TMEM132D: variants seen among roughly 807,000 people sequenced by gnomAD.
TMEM132D encodes mature OL transmembrane protein.
Under a neutral mutation model 62.3 loss-of-function variants are expected in TMEM132D, and 21 were observed. The observed-to-expected ratio is 0.34, with a 90% CI of 0.24 to 0.49. The LOEUF (loss-of-function observed/expected upper bound fraction) is 0.49. Among genes scored for constraint, TMEM132D ranks in the 20% least tolerant of loss-of-function variants. The pLI, the probability that TMEM132D is intolerant of heterozygous loss-of-function variation, is 0.99. For missense variants in TMEM132D, 1,346 were observed against 1,402.8 expected (o/e 0.96, Z 0.65); for synonymous variants, 621 against 575.6 (o/e 1.08, Z -1.13).
At chr12:129,457,184 C>A (rs1873498511) in intron 3 of TMEM132D, among the ~76,000 whole-genome samples, 1 of 151,938 alleles carries the variant, frequency 6.6e-6, no homozygotes, top group Non-Finnish European at 1.5e-5. Context: ...AGACTTGGAA[C>A]CAACCCAAAT....
chr12:129,134,823 T>C (rs1876508135), intron 5 of TMEM132D, among the ~76,000 whole-genome samples: 1 of 152,140 alleles, frequency 6.6e-6, no homozygotes, highest in Non-Finnish European at 1.5e-5. Flanking sequence ...TCTCCTAAAA[T>C]AGATCTCATC....
At position 129,783,361 on chromosome 12, in the gene TMEM132D, CAAT is replaced by C. The variant is rs570382144; in HGVS notation, c.80-82666_80-82664del. On this transcript the variant is annotated intron_variant, in intron 1 of 8. Transcript: ENST00000422113. ...TCTCATGTTCAGAGACACGAATGGT[CAAT>C]AATATGGTTATAAATATCATCTTAA... Among the ~76,000 whole-genome samples, 375 of 152,262 alleles carry C rather than the reference CAAT, an allele frequency of 2.5e-3. 1 individual carries two copies. The highest frequency in any genetic ancestry group is 8.8e-3 in the African/African-American group (364 of 41,556).
At chr12:129,550,754 C>T (rs1006177725) in intron 2 of TMEM132D, among the ~76,000 whole-genome samples, 1 of 152,150 alleles carries the variant, frequency 6.6e-6, no homozygotes, top group African/African-American at 2.4e-5. Flanking sequence ...CTCAGCTTTC[C>T]TCTCACTACT....
intron 4 of TMEM132D, among the ~76,000 whole-genome samples, chr12:129,268,065 T>A (rs1023876938): frequency 3.9e-5 from 6 of 152,154 alleles, no homozygotes; most frequent in Non-Finnish European, 4.4e-5. Flanking sequence ...ATGTTAGACC[T>A]AAAACCATAA....
chr12:129,767,212 G>A (rs1005561957), intron 1 of TMEM132D, among the ~76,000 whole-genome samples: 1 of 152,200 alleles, frequency 6.6e-6, no homozygotes, highest in Non-Finnish European at 1.5e-5. Flanking sequence ...AAAGCTTTCT[G>A]CTTTGGCTGT....
rs116313043 is a variant in TMEM132D, at chr12:129,731,522, G to A, written c.80-30824C>T. Among the ~76,000 whole-genome samples the A allele has an allele frequency of 7.0e-3, 1,064 of 152,238 alleles. 11 individuals carry two copies. Among genetic ancestry groups the A allele is most frequent in the African/African-American group, 0.025 (1,029 of 41,550 alleles). On this transcript the variant is annotated intron_variant, in intron 1 of 8. Coordinates refer to ENST00000422113, the MANE Select transcript of TMEM132D (RefSeq NM_133448.3). ...AGTAACCAAGGGCATATCCAGGGAG[G>A]ACACTGAAGACCTGCCAGGTGTGTA...
At chr12:129,717,156 C>T (rs1052961232) in intron 1 of TMEM132D, among the ~76,000 whole-genome samples, 5 of 152,302 alleles carry the variant, frequency 3.3e-5, no homozygotes, top group East Asian at 3.9e-4. Context: ...CCTGAACAAC[C>T]GTACACGACA....
intron 2 of TMEM132D, among the ~76,000 whole-genome samples, chr12:129,649,800 ATGTGTG>A (rs912353408): frequency 1.3e-5 from 2 of 150,404 alleles, no homozygotes; most frequent in South Asian, 2.1e-4. Context: ...GTGTGTGCGT[ATGTGTG>A]TGTGTATGTG....
chr12:129,209,925 T>A (rs1395945239), intron 4 of TMEM132D: 2 of 472,490 alleles, frequency 4.2e-6, no homozygotes, highest in African/African-American at 3.9e-5. Context: ...TTATTACTAA[T>A]ATTGTGTTTG....
At chr12:129,712,466 G>A (rs1199437919) in intron 1 of TMEM132D, among the ~76,000 whole-genome samples, 1 of 152,142 alleles carries the variant, frequency 6.6e-6, no homozygotes, top group Non-Finnish European at 1.5e-5. Flanking sequence ...TTTAATTAGG[G>A]GAAGAGCTAC....
intron 3 of TMEM132D, among the ~76,000 whole-genome samples, chr12:129,457,288 T>C (rs571408291): frequency 6.6e-6 from 1 of 151,524 alleles, no homozygotes; most frequent in Non-Finnish European, 1.5e-5. Context: ...ATGTCCTTTG[T>C]AGGGACATGG....
At chr12:129,411,970 T>C (rs1213135977) in intron 3 of TMEM132D, among the ~76,000 whole-genome samples, 1 of 152,234 alleles carries the variant, frequency 6.6e-6, no homozygotes, top group African/African-American at 2.4e-5. Flanking sequence ...TCAACTAGAA[T>C]TACCAAATGA....
At chr12:129,594,246 T>G (rs974683329) in intron 2 of TMEM132D, among the ~76,000 whole-genome samples, 1 of 152,212 alleles carries the variant, frequency 6.6e-6, no homozygotes, top group Non-Finnish European at 1.5e-5. Context: ...ATAAGCCATA[T>G]GGCCTCCTTG....
intron 2 of TMEM132D, among the ~76,000 whole-genome samples, chr12:129,553,592 G>C (rs1876964378): frequency 6.6e-6 from 1 of 152,160 alleles, no homozygotes; most frequent in South Asian, 2.1e-4. Flanking sequence ...TTTCCATGGT[G>C]TAAATGTTCC....
intron 3 of TMEM132D, among the ~76,000 whole-genome samples, chr12:129,470,727 C>A (rs950238812): frequency 1.3e-5 from 2 of 152,188 alleles, no homozygotes; most frequent in South Asian, 4.1e-4. Context: ...TAAACTGCTT[C>A]TGACATAAGA....
At chr12:129,130,360 C>A (rs187150975) in intron 5 of TMEM132D, among the ~76,000 whole-genome samples, 16 of 152,122 alleles carry the variant, frequency 1.1e-4, no homozygotes, top group Admixed American at 2.6e-4. Flanking sequence ...ACAGGACTTG[C>A]GGAATCCTTG....
At chr12:129,684,232 G>A (rs1031112752) in intron 2 of TMEM132D, among the ~76,000 whole-genome samples, 5 of 152,162 alleles carry the variant, frequency 3.3e-5, no homozygotes, top group African/African-American at 1.2e-4. Flanking sequence ...TCATCAGAAA[G>A]ATCCAGTGGG....
intron 3 of TMEM132D, among the ~76,000 whole-genome samples, chr12:129,489,559 A>C (rs571709344): frequency 6.1e-4 from 93 of 152,360 alleles, no homozygotes; most frequent in Admixed American, 1.0e-3. Flanking sequence ...TGACAATTGC[A>C]GCTGTAAATG....
chr12:129,222,348 A>T (rs10773617), intron 4 of TMEM132D, among the ~76,000 whole-genome samples: 1 of 152,052 alleles, frequency 6.6e-6, no homozygotes, highest in South Asian at 2.1e-4. Flanking sequence ...GTCCAAAAGC[A>T]TTTACAATGA....
Sources: gnomAD v4.1 joint callset for allele counts (sites outside exome capture counted in the v4.1 genomes callset) on GRCh38, gnomAD v4.1.1 for gene constraint, MANE v1.5 for transcripts, NCBI Gene and HGNC (gene_info 2026-07-23, HGNC 2026-07-21) for gene names.